The following GNB5 variants were observed in gnomAD, a reference collection of about 807,000 sequenced individuals.
GNB5 encodes G protein subunit beta 5.
In GNB5, 37 loss-of-function variants were observed where a neutral mutation model predicts 55.3. The ratio of observed to expected loss-of-function variants is 0.67; its 90% CI spans 0.51 to 0.88. The LOEUF (loss-of-function observed/expected upper bound fraction) is 0.88. GNB5 is among the 40% of genes least tolerant of loss of function. The pLI is 0.00. For missense variants in GNB5, 476 were observed against 515.3 expected, an observed-to-expected ratio of 0.92 and a Z score of 0.74; for synonymous variants, 219 against 198.5, an observed-to-expected ratio of 1.10 and a Z score of -0.87.
At chr15:52,174,160 C>T (rs1299931403) in intron 3 of GNB5, among the ~76,000 whole-genome samples, 2 of 152,116 alleles carry the variant, frequency 1.3e-5, no homozygotes, top group African/African-American at 2.4e-5. Context: ...ACATGGGCAG[C>T]CCCAAGAAGC....
At chr15:52,147,266 T>A in intron 6 of GNB5, 193 bp downstream of exon 6, 1 of 468,760 alleles carries the variant, frequency 2.1e-6, no homozygotes, top group Non-Finnish European at 3.9e-6. Context: ...GCCTCCCAGG[T>A]GGCTGGGATT....
intron 3 of GNB5, among the ~76,000 whole-genome samples, chr15:52,163,706 C>A (rs775465804): frequency 1.8e-4 from 27 of 152,168 alleles, no homozygotes; most frequent in Non-Finnish European, 3.2e-4. Flanking sequence ...CCCAGCACAG[C>A]GTATCTGCTC....
chr15:52,182,857 G>GT (rs1433389966), intron 2 of GNB5, among the ~76,000 whole-genome samples: 3 of 152,196 alleles, frequency 2.0e-5, no homozygotes, highest in African/African-American at 7.2e-5. Flanking sequence ...TGAGAATTAA[G>GT]TAAGATTGTG....
chr15:52,146,692 A>G (rs1460946878), intron 6 of GNB5, among the ~76,000 whole-genome samples: 1 of 151,560 alleles, frequency 6.6e-6, no homozygotes, highest in African/African-American at 2.4e-5. Context: ...AGCTTCCAGA[A>G]TAGCTGGGTC....
intron 2 of GNB5, 163 bp from the exon 3 acceptor site, chr15:52,180,042 C>G (rs2034740921): frequency 1.1e-6 from 1 of 909,832 alleles, no homozygotes. Flanking sequence ...GCCTGAGCCC[C>G]AAGACCCCGC....
At chr15:52,164,604 G>A (rs1266927063) in intron 3 of GNB5, among the ~76,000 whole-genome samples, 1 of 152,072 alleles carries the variant, frequency 6.6e-6, no homozygotes, top group African/African-American at 2.4e-5. Context: ...CTCCAGCCTG[G>A]GCGACAGAGC....
In GNB5 at chr15:52,124,624, G is replaced by A; in HGVS notation, c.1025C>T (p.Ala342Val). 6.2e-7 allele frequency: 1 copy of A among 1,613,718 alleles called. No individual in the cohort carries two copies. The highest frequency in any genetic ancestry group is 2.2e-5 in the East Asian group (1 of 44,892). ...GTTGATAGTGTAATCATTGTATCCA[G>A]CAAACAGCAGGCGACCTTGAAGCAG... ...DFSLSGRLLF[A>V]GYNDYTINVW... Residue 342 changes from alanine to valine, a missense_variant, in exon 12 of 13, where the codon GCT (alanine) becomes GTT (valine). Coordinates refer to ENST00000261837, the MANE Select transcript of GNB5 (RefSeq NM_016194.4).
intron 7 of GNB5, chr15:52,139,951 C>G (rs1050284880): frequency 7.8e-7 from 1 of 1,283,338 alleles, no homozygotes. Context: ...TAAATGTCCT[C>G]TGTTGCTTTG....
Position 52,141,122 on chromosome 15 carries a change from C to G in GNB5, c.627+18G>C. 6.2e-7 allele frequency: 1 copy of G among 1,613,492 alleles called. No homozygotes were observed. The highest frequency in any genetic ancestry group is 2.2e-5 in the East Asian group (1 of 44,894). On this transcript the variant is annotated intron_variant, in intron 7 of 12. Transcript: ENST00000261837. ...GCTCCTTGGCAGGTCAACCTGACAC[C>G]GGGGGCTGCCTATTTACCTGCATGT...
Position 52,147,486 on chromosome 15 carries a change from G to A in GNB5, c.467C>T (p.Ala156Val), listed in dbSNP as rs768134904. 1.9e-6 allele frequency: 3 copies of A among 1,606,354 alleles called. No homozygotes were observed. Among genetic ancestry groups the A allele is most frequent in the Admixed American group, 1.7e-5 (1 of 59,936 alleles). Residue 156 changes from alanine to valine, a missense_variant, in exon 6 of 13, where the codon GCC becomes GTC. Transcript: ENST00000261837. ...PCTWVMACAY[A>V]PSGCAIACGG... is the part of the protein sequence containing the mutation. ...ACAAGCAATGGCACATCCCGATGGG[G>A]CATAAGCACATGCCATCACCCACGT...
At chr15:52,180,040 C>G (rs2034740828) in intron 2 of GNB5, 161 bp from the exon 3 acceptor site, 1 of 933,502 alleles carries the variant, frequency 1.1e-6, no homozygotes, top group East Asian at 4.0e-5. Flanking sequence ...GCGCCTGAGC[C>G]CCAAGACCCC....
At chr15:52,180,050 C>G in intron 2 of GNB5, 171 bp from the exon 3 acceptor site, 1 of 789,832 alleles carries the variant, frequency 1.3e-6, no homozygotes, top group Non-Finnish European at 1.7e-6. Context: ...CCCAAGACCC[C>G]GCACCTGGGC....
At chr15:52,153,342 C>T (rs189768342) in intron 4 of GNB5, among the ~76,000 whole-genome samples, 68 of 152,250 alleles carry the variant, frequency 4.5e-4, no homozygotes, top group African/African-American at 1.5e-3. Context: ...ACCACAGCCC[C>T]GACCAACATC....
chr15:52,129,331 ATTAT>A (rs2033516849), intron 9 of GNB5, among the ~76,000 whole-genome samples: 1 of 152,146 alleles, frequency 6.6e-6, no homozygotes, highest in Non-Finnish European at 1.5e-5. Flanking sequence ...CTTTTAAAAC[ATTAT>A]TTATTCCTCC....
At chr15:52,129,294 T>C (rs942228774) in intron 9 of GNB5, among the ~76,000 whole-genome samples, 3 of 152,064 alleles carry the variant, frequency 2.0e-5, no homozygotes, top group African/African-American at 7.3e-5. Context: ...ACCCTATAGT[T>C]CCACAAAAGC....
chr15:52,166,562 AACAACCTGTTCCTGAATG>A (rs1255947350), intron 3 of GNB5, among the ~76,000 whole-genome samples: 1 of 152,218 alleles, frequency 6.6e-6, no homozygotes, highest in African/African-American at 2.4e-5. Flanking sequence ...ATGGAAATTG[AACAACCTGTTCCTGAATG>A]ACTCCTAGGT....
At chr15:52,150,066 ATCTATCCATG>A in intron 4 of GNB5, 141 bp from the exon 5 acceptor site, 1 of 663,506 alleles carries the variant, frequency 1.5e-6, no homozygotes, top group Admixed American at 2.5e-5. Context: ...AGACCCCCTA[ATCTATCCATG>A]AAAAAAAGTG....
At chr15:52,160,062 C>T (rs1390109269) in intron 3 of GNB5, among the ~76,000 whole-genome samples, 1 of 151,732 alleles carries the variant, frequency 6.6e-6, no homozygotes, top group African/African-American at 2.4e-5. Context: ...ATTCTCCTGT[C>T]TCAGCCTCCT....
At chr15:52,174,803 T>G (rs1393475733) in intron 3 of GNB5, among the ~76,000 whole-genome samples, 1 of 152,084 alleles carries the variant, frequency 6.6e-6, no homozygotes, top group East Asian at 1.9e-4. Context: ...AGGGTCTGGC[T>G]AGGCACGGTG....
Sources: allele counts gnomAD v4.1 joint callset (sites outside exome capture counted in the v4.1 genomes callset), GRCh38; gene constraint gnomAD v4.1.1; transcripts MANE v1.5; gene names NCBI Gene and HGNC (gene_info 2026-07-23, HGNC 2026-07-21).